Variants in RPGRIP1L observed in about 807,000 individuals in gnomAD.
RPGRIP1L encodes protein fantom.
RPGRIP1L carries 131 observed loss-of-function variants against 160.4 expected under a neutral mutation model. The observed-to-expected ratio is 0.82, with a 90% CI of 0.71 to 0.94. RPGRIP1L has a LOEUF of 0.94. Ranked by LOEUF, RPGRIP1L falls within the 40% of genes least tolerant of loss-of-function variation. RPGRIP1L has a pLI of 0.00. For synonymous variants in RPGRIP1L, 510 were observed against 515.8 expected (o/e 0.99, Z 0.15); for missense variants, 1,522 against 1,535.8 (o/e 0.99, Z 0.15).
chr16:53,648,376 A>G (rs1273667176), intron 16 of RPGRIP1L, among the ~76,000 whole-genome samples: 1 of 152,186 alleles, frequency 6.6e-6, no homozygotes, highest in Non-Finnish European at 1.5e-5. Flanking sequence ...TGGAAGCACA[A>G]TAACTGATAG....
At chr16:53,656,222 G>C (rs904636968) in intron 14 of RPGRIP1L, among the ~76,000 whole-genome samples, 1 of 152,148 alleles carries the variant, frequency 6.6e-6, no homozygotes, top group Non-Finnish European at 1.5e-5. Flanking sequence ...TACTTTGAGA[G>C]GCCGAGGCGG....
At chr16:53,607,439 A>G (rs1963758430) in intron 25 of RPGRIP1L, among the ~76,000 whole-genome samples, 3 of 152,246 alleles carry the variant, frequency 2.0e-5, no homozygotes, top group African/African-American at 7.2e-5. Flanking sequence ...ATTAAGTAAG[A>G]GGAATGATTA....
intron 19 of RPGRIP1L, among the ~76,000 whole-genome samples, chr16:53,639,648 A>G (rs926860567): frequency 6.6e-6 from 1 of 152,134 alleles, no homozygotes; most frequent in Non-Finnish European, 1.5e-5. Context: ...CCCAGTTCTA[A>G]TACTTGGGCC....
intron 22 of RPGRIP1L, among the ~76,000 whole-genome samples, chr16:53,622,822 C>CAT (rs1327646423): frequency 4.6e-5 from 7 of 151,532 alleles, no homozygotes; most frequent in African/African-American, 1.7e-4. Context: ...CACACACACA[C>CAT]ACACACACAC....
intron 15 of RPGRIP1L, among the ~76,000 whole-genome samples, chr16:53,651,522 C>T (rs1490449789): frequency 6.6e-6 from 1 of 152,202 alleles, no homozygotes; most frequent in Non-Finnish European, 1.5e-5. Flanking sequence ...TGAATCCCCC[C>T]TTTGCTGCAG....
intron 22 of RPGRIP1L, among the ~76,000 whole-genome samples, chr16:53,629,484 T>C (rs537676151): frequency 1.3e-4 from 20 of 152,316 alleles, no homozygotes; most frequent in African/African-American, 4.3e-4. Context: ...CTTTGAGAAA[T>C]ATTGCTCTAA....
chr16:53,681,136 C>T (rs1172497617), intron 6 of RPGRIP1L, among the ~76,000 whole-genome samples: 3 of 151,916 alleles, frequency 2.0e-5, no homozygotes, highest in Non-Finnish European at 2.9e-5. Context: ...CAAGGCATGG[C>T]GCAAAAGGCC....
In RPGRIP1L at chr16:53,599,183, A is replaced by G. The variant is rs947562630; in HGVS notation, c.*2893T>C. The G allele has an allele frequency of 6.6e-6, 1 of 152,202 alleles. No homozygotes were observed. 9.4% of individuals were successfully genotyped at this position (152,202 alleles called of 1,614,324 possible). ...CTCAGCCCACATGTCTTCATAACACATAGAAATTATTTGTGTTTTGTGGTA... is the reference window on the plus strand; with the variant it reads ...CTCAGCCCACATGTCTTCATAACACGTAGAAATTATTTGTGTTTTGTGGTA... On this transcript the variant is annotated 3_prime_UTR_variant, in exon 27 of 27. Coordinates refer to ENST00000647211, the MANE Select transcript of RPGRIP1L (RefSeq NM_015272.5).
intron 10 of RPGRIP1L, among the ~76,000 whole-genome samples, chr16:53,664,361 A>G (rs1968062176): frequency 6.6e-6 from 1 of 152,204 alleles, no homozygotes; most frequent in African/African-American, 2.4e-5. Flanking sequence ...TCGAACTCTC[A>G]AAAACGGCAA....
chr16:53,665,203 TG>T (rs1567856688), intron 9 of RPGRIP1L, among the ~76,000 whole-genome samples, 194 bp from the exon 10 acceptor site: 1 of 152,134 alleles, frequency 6.6e-6, no homozygotes, highest in Non-Finnish European at 1.5e-5. Context: ...AAAGAGTTTG[TG>T]GGATGAGCAA....
intron 22 of RPGRIP1L, among the ~76,000 whole-genome samples, chr16:53,632,753 C>G (rs937065176): frequency 3.3e-5 from 5 of 152,152 alleles, no homozygotes; most frequent in African/African-American, 1.2e-4. Context: ...GATTCTCATG[C>G]TTTTCATTCC....
intron 9 of RPGRIP1L, among the ~76,000 whole-genome samples, chr16:53,670,595 G>T (rs1968633965): frequency 6.6e-6 from 1 of 152,124 alleles, no homozygotes; most frequent in Admixed American, 6.5e-5. Context: ...CCATAATTAT[G>T]AAGTAGATTA....
chr16:53,695,470 A>G (rs1344586131), intron 3 of RPGRIP1L: 2 of 702,658 alleles, frequency 2.8e-6, no homozygotes, highest in African/African-American at 1.7e-5. Context: ...TAGAACATAA[A>G]TATGAATACA....
intron 2 of RPGRIP1L, among the ~76,000 whole-genome samples, chr16:53,697,019 C>T (rs576429096): frequency 6.6e-6 from 1 of 152,110 alleles, no homozygotes; most frequent in South Asian, 2.1e-4. Flanking sequence ...CATGGTGAAA[C>T]CCCGTCTCTA....
chr16:53,696,182 G>A lies in RPGRIP1L; in HGVS notation c.199C>T (p.His67Tyr). ...ATTTTATCCTCCTGCTTGCGGGCATGCTGTTTAAGTAAAATGTTCTCATCA... is the reference window on the plus strand; with the variant it reads ...ATTTTATCCTCCTGCTTGCGGGCATACTGTTTAAGTAAAATGTTCTCATCA... ...LHDENILLKQ[H>Y]ARKQEDKIKR... Residue 67 changes from histidine to tyrosine, a missense_variant, in exon 3 of 27, where the codon CAT becomes TAT. Coordinates refer to ENST00000647211, the MANE Select transcript of RPGRIP1L (RefSeq NM_015272.5). The A allele has an allele frequency of 6.2e-7, 1 of 1,613,928 alleles. No homozygotes were observed.
At chr16:53,609,968 T>C (rs890124310) in intron 25 of RPGRIP1L, among the ~76,000 whole-genome samples, 1 of 152,122 alleles carries the variant, frequency 6.6e-6, no homozygotes, top group African/African-American at 2.4e-5. Context: ...TTTATGGCCC[T>C]CTGGAAAGGA....
intron 22 of RPGRIP1L, among the ~76,000 whole-genome samples, chr16:53,630,649 T>C (rs1272490689): frequency 1.3e-5 from 2 of 152,136 alleles, no homozygotes; most frequent in Non-Finnish European, 2.9e-5. Flanking sequence ...GTTAGTTAAA[T>C]TGCAAAGCAT....
chr16:53,620,002 C>G (rs1047947848), intron 23 of RPGRIP1L, among the ~76,000 whole-genome samples: 1 of 152,064 alleles, frequency 6.6e-6, no homozygotes, highest in African/African-American at 2.4e-5. Context: ...AAGGTAACTC[C>G]TCAGTTAAAT....
chr16:53,660,307 T>C (rs1967667607), intron 10 of RPGRIP1L, among the ~76,000 whole-genome samples: 1 of 152,172 alleles, frequency 6.6e-6, no homozygotes, highest in Non-Finnish European at 1.5e-5. Flanking sequence ...TCATAAGTCT[T>C]CAATTTATGT....
Sources: gnomAD v4.1 joint callset for allele counts (sites outside exome capture counted in the v4.1 genomes callset) on GRCh38, gnomAD v4.1.1 for gene constraint, MANE v1.5 for transcripts, NCBI Gene and HGNC (gene_info 2026-07-23, HGNC 2026-07-21) for gene names.